The following SUGCT variants were observed in gnomAD, a reference collection of about 807,000 sequenced individuals.
SUGCT encodes succinyl-CoA:glutarate CoA-transferase.
In SUGCT, 41 loss-of-function variants were observed where a neutral mutation model predicts 55.0. The observed-to-expected ratio is 0.74, with a 90% CI of 0.58 to 0.97. The LOEUF is 0.97. SUGCT is among the 50% of genes least tolerant of loss of function. The pLI is 0.00. For missense variants in SUGCT, 568 were observed against 547.8 expected (o/e 1.04, Z -0.37); for synonymous variants, 187 against 200.4 (o/e 0.93, Z 0.56).
the SUGCT span, among the ~76,000 whole-genome samples, chr7:40,987,341 A>T: frequency 6.6e-6 from 1 of 152,186 alleles, no homozygotes; most frequent in Non-Finnish European, 1.5e-5. Flanking sequence ...TTTGAGAATG[A>T]TCAGGAGACA....
chr7:40,665,809 C>T (rs1307537988), intron 12 of SUGCT, among the ~76,000 whole-genome samples: 1 of 151,958 alleles, frequency 6.6e-6, no homozygotes. Flanking sequence ...GATGTGACAG[C>T]AAGGTTCTTA....
rs117890481 is a variant in SUGCT at position 40,409,305 on chromosome 7, C to T, written c.817-39982C>T. On this transcript the variant is annotated intron_variant, in intron 9 of 13. Coordinates refer to ENST00000335693, the MANE Select transcript of SUGCT (RefSeq NM_001193313.2). ...TTGAGACAGGGTCTTGCTCTGTTGCCCGGGCTGTATTGCAATGGTGCGATC... is the reference window on the plus strand; with the variant it reads ...TTGAGACAGGGTCTTGCTCTGTTGCTCGGGCTGTATTGCAATGGTGCGATC... 4.9e-4 allele frequency among the ~76,000 whole-genome samples: 74 copies of T among 151,782 alleles called. 1 individual carries two copies. The East Asian group carries it at 0.013, about 28-fold the overall frequency.
intron 12 of SUGCT, among the ~76,000 whole-genome samples, chr7:40,504,152 C>A (rs1474580799): frequency 6.6e-6 from 1 of 152,138 alleles, no homozygotes; most frequent in Admixed American, 6.5e-5. Flanking sequence ...TGAGTAAGTT[C>A]TGGAGACTTA....
chr7:40,987,173 G>A, the SUGCT span, among the ~76,000 whole-genome samples: 1 of 152,076 alleles, frequency 6.6e-6, no homozygotes, highest in Admixed American at 6.5e-5. Flanking sequence ...GGGTAAAAAC[G>A]TGGTCCTCAA....
the SUGCT span, among the ~76,000 whole-genome samples, chr7:40,891,957 G>A: frequency 2.6e-5 from 4 of 152,016 alleles, no homozygotes; most frequent in Non-Finnish European, 4.4e-5. Flanking sequence ...GTGGTGAGCC[G>A]AGATCATGCC....
intron 12 of SUGCT, among the ~76,000 whole-genome samples, chr7:40,502,118 A>G (rs1488970772): frequency 1.3e-5 from 2 of 152,072 alleles, no homozygotes; most frequent in African/African-American, 4.8e-5. Flanking sequence ...GATGTCTTAT[A>G]ACATTATTCT....
chr7:41,016,762 G>A, the SUGCT span, among the ~76,000 whole-genome samples: 1 of 152,058 alleles, frequency 6.6e-6, no homozygotes, highest in East Asian at 1.9e-4. Flanking sequence ...CCAGATTTTG[G>A]CAACTTCCCA....
chr7:40,204,695 C>A (rs1786852555), intron 6 of SUGCT, among the ~76,000 whole-genome samples: 1 of 150,796 alleles, frequency 6.6e-6, no homozygotes, highest in Non-Finnish European at 1.5e-5. Context: ...GAGGCCAAGA[C>A]AAGAGGATTG....
Position 40,505,655 on chromosome 7 carries a change from C to T in SUGCT, c.1089+9269C>T, listed in dbSNP as rs575867412. Among the ~76,000 whole-genome samples, 290 of 151,984 alleles carry T rather than the reference C, an allele frequency of 1.9e-3. 1 individual carries two copies. Among genetic ancestry groups the T allele is most frequent in the African/African-American group, 6.6e-3 (272 of 41,476 alleles). On this transcript the variant is annotated intron_variant, in intron 12 of 13. Coordinates refer to ENST00000335693, the MANE Select transcript of SUGCT (RefSeq NM_001193313.2). ...CACACTTCCTTTTTGTATGTGTGTG[C>T]ATATATACATATGAAACACATCTAT...
At chr7:40,463,598 T>C (rs1178807130) in intron 11 of SUGCT, among the ~76,000 whole-genome samples, 1 of 152,188 alleles carries the variant, frequency 6.6e-6, no homozygotes, top group Non-Finnish European at 1.5e-5. Context: ...TAAGTACAGT[T>C]TGAAGCTACT....
At chr7:40,471,104 G>T (rs898668827) in intron 11 of SUGCT, among the ~76,000 whole-genome samples, 1 of 152,016 alleles carries the variant, frequency 6.6e-6, no homozygotes, top group Non-Finnish European at 1.5e-5. Context: ...AGGAGTAATT[G>T]TTGGTTTCAA....
intron 8 of SUGCT, among the ~76,000 whole-genome samples, chr7:40,314,559 C>CTGTTTTTTTT (rs1795323350): frequency 9.2e-6 from 1 of 108,732 alleles, no homozygotes; most frequent in Non-Finnish European, 1.8e-5. Context: ...TCCCTTGTGT[C>CTGTTTTTTTT]TTTTTTTTTT....
chr7:40,964,552 T>G, the SUGCT span: 2 of 152,108 alleles, frequency 1.3e-5, no homozygotes, highest in Admixed American at 6.5e-5. Flanking sequence ...GCTCACATAG[T>G]GAAAAGTAGC....
chr7:40,416,404 T>G (rs1183404941), intron 9 of SUGCT, among the ~76,000 whole-genome samples: 1 of 151,796 alleles, frequency 6.6e-6, no homozygotes, highest in African/African-American at 2.4e-5. Context: ...GTCATTCTGA[T>G]TTTAATGATG....
At chr7:40,232,116 C>G (rs1195200708) in intron 6 of SUGCT, among the ~76,000 whole-genome samples, 1 of 152,144 alleles carries the variant, frequency 6.6e-6, no homozygotes. Flanking sequence ...ATCAATCAGT[C>G]AATCACTGTG....
rs775471728 is a variant in SUGCT, at chr7:40,180,956, A to C, written c.110A>C (p.Asn37Thr). 30 of 1,608,630 alleles carry C rather than the reference A, an allele frequency of 1.9e-5. No homozygotes were observed. Among genetic ancestry groups the C allele is most frequent in the Admixed American group, 3.3e-5 (2 of 59,924 alleles). Residue 37 changes from asparagine (N) to threonine (T), a missense_variant, in exon 2 of 14, where the codon AAT (asparagine) becomes ACT (threonine). Asn to Thr is a moderately conservative substitution (Grantham distance 65, BLOSUM62 0). Transcript: ENST00000335693. Reference sequence around the variant, plus strand: ...TTCTCTGTTTTGCCAGATATGAACAATATAAAGCCATTGGAAGGGGTAAAA... The same window carrying C: ...TTCTCTGTTTTGCCAGATATGAACACTATAAAGCCATTGGAAGGGGTAAAA... ...WTGRPQSDMN[N>T]IKPLEGVKIL...
chr7:40,554,170 C>T (rs979172659), intron 12 of SUGCT, among the ~76,000 whole-genome samples: 4 of 152,042 alleles, frequency 2.6e-5, no homozygotes, highest in Admixed American at 1.3e-4. Flanking sequence ...GCATAGTGCC[C>T]GACACATTAT....
At chr7:40,887,142 G>A in the SUGCT span, among the ~76,000 whole-genome samples, 1 of 152,206 alleles carries the variant, frequency 6.6e-6, no homozygotes, top group Non-Finnish European at 1.5e-5. Flanking sequence ...ATGTAGTGAA[G>A]TTGAAGATTG....
At chr7:40,612,077 T>A (rs940744508) in intron 12 of SUGCT, among the ~76,000 whole-genome samples, 3 of 151,426 alleles carry the variant, frequency 2.0e-5, no homozygotes, top group Admixed American at 2.0e-4. Context: ...ATGATCCTCA[T>A]AATGTGTTAT....
Sources: allele counts gnomAD v4.1 joint callset (sites outside exome capture counted in the v4.1 genomes callset), GRCh38; gene constraint gnomAD v4.1.1; transcripts MANE v1.5; gene names NCBI Gene and HGNC (gene_info 2026-07-23, HGNC 2026-07-21).